PLXNA4: variants seen among roughly 807,000 people sequenced by gnomAD.
PLXNA4 encodes plexin A4, also known as plexin-A4.
Under a neutral mutation model 191.8 loss-of-function variants are expected in PLXNA4, and 44 were observed. The observed-to-expected ratio is 0.23, with a 90% CI of 0.18 to 0.29. The LOEUF (loss-of-function observed/expected upper bound fraction) is 0.29. Ranked by LOEUF, PLXNA4 falls within the 10% of genes least tolerant of loss-of-function variation. PLXNA4 has a pLI of 1.00. For missense variants in PLXNA4, 1,800 were observed against 2,488.8 expected (o/e 0.72, Z 5.89); for synonymous variants, 1,082 against 1,009.5 (o/e 1.07, Z -1.36).
chr7:132,339,317 C>T (rs745708804), intron 3 of PLXNA4, among the ~76,000 whole-genome samples: 14 of 152,136 alleles, frequency 9.2e-5, no homozygotes, highest in Non-Finnish European at 1.3e-4. Context: ...GCCTATACTG[C>T]CTCATCCCCC....
chr7:132,561,336 TTCC>T (rs778788902), intron 1 of PLXNA4, among the ~76,000 whole-genome samples: 32 of 89,796 alleles, frequency 3.6e-4, no homozygotes, highest in Admixed American at 6.3e-4. Context: ...CTTCCTCCTC[TTCC>T]TCCTCCTCCT....
chr7:132,219,905 GGGC>G (rs1798088813), intron 9 of PLXNA4, among the ~76,000 whole-genome samples: 1 of 152,116 alleles, frequency 6.6e-6, no homozygotes, highest in African/African-American at 2.4e-5. Flanking sequence ...TGTAGCCTAG[GGGC>G]AATAGGCTAT....
chr7:132,618,800 T>C (rs1200010893), intron 2 of PLXNA4, among the ~76,000 whole-genome samples: 2 of 152,170 alleles, frequency 1.3e-5, no homozygotes, highest in East Asian at 1.9e-4. Flanking sequence ...GAAGATTATA[T>C]CATATACATG....
At chr7:132,262,937 C>T (rs1584916959) in intron 4 of PLXNA4, among the ~76,000 whole-genome samples, 1 of 152,078 alleles carries the variant, frequency 6.6e-6, no homozygotes, top group African/African-American at 2.4e-5. Context: ...GAGCTGGGGG[C>T]GGGAAGCCAC....
chr7:132,563,359 TCTCCTC>T (rs1162094997), intron 1 of PLXNA4, among the ~76,000 whole-genome samples: 2 of 19,624 alleles, frequency 1.0e-4, no homozygotes, highest in Non-Finnish European at 1.9e-4. Context: ...TTCTCCTCCT[TCTCCTC>T]CTCCTCCTCC....
intron 3 of PLXNA4, among the ~76,000 whole-genome samples, chr7:132,452,738 T>A (rs1017193875): frequency 3.9e-5 from 6 of 152,072 alleles, no homozygotes; most frequent in African/African-American, 1.4e-4. Flanking sequence ...AGAGATGGGG[T>A]TGGACATGAG....
chr7:132,516,339 G>A (rs574717407), intron 1 of PLXNA4, among the ~76,000 whole-genome samples: 34 of 151,700 alleles, frequency 2.2e-4, no homozygotes, highest in African/African-American at 6.3e-4. Flanking sequence ...TACGTCTTTC[G>A]TATATGATTT....
intron 3 of PLXNA4, among the ~76,000 whole-genome samples, chr7:132,432,277 T>C (rs1331084285): frequency 2.0e-5 from 3 of 152,152 alleles, no homozygotes; most frequent in African/African-American, 7.2e-5. Context: ...GAATCCCGTT[T>C]ATGAGTGACC....
chr7:132,142,911 C>T lies in PLXNA4; in HGVS notation c.5226-2100G>A, dbSNP rs144207318. 5.5e-3 allele frequency among the ~76,000 whole-genome samples: 841 copies of T among 152,312 alleles called. 8 individuals are homozygous for T. The highest frequency in any genetic ancestry group is 0.019 in the African/African-American group (796 of 41,550). On this transcript the variant is annotated intron_variant, in intron 29 of 31. Coordinates refer to ENST00000321063, the MANE Select transcript of PLXNA4 (RefSeq NM_020911.2). ...CCGGTTGTTTCTTCCCTATGCTTCC[C>T]GGTCCTCAAGCCAGTTTTGCTGACA...
At chr7:132,238,258 T>C (rs1360423249) in intron 5 of PLXNA4, among the ~76,000 whole-genome samples, 2 of 152,190 alleles carry the variant, frequency 1.3e-5, no homozygotes, top group Non-Finnish European at 1.5e-5. Context: ...AGGTTATAGA[T>C]GGATTTGTTG....
chr7:132,344,815 A>C (rs540004979), intron 3 of PLXNA4, among the ~76,000 whole-genome samples: 1 of 152,200 alleles, frequency 6.6e-6, no homozygotes, highest in Non-Finnish European at 1.5e-5. Flanking sequence ...TCTCAGTGGA[A>C]CTAGGGAATA....
At chr7:132,335,721 T>C (rs146608454) in intron 3 of PLXNA4, among the ~76,000 whole-genome samples, 196 of 152,340 alleles carry the variant, frequency 1.3e-3, no homozygotes, top group Middle Eastern at 3.4e-3. Flanking sequence ...CTCCTAGAGC[T>C]CTTCGAAGAC....
chr7:132,442,081 T>C lies in PLXNA4; in HGVS notation c.1371+47211A>G, dbSNP rs114851958. ...GCTGGAGAACCACGTGCTCACCCTA[T>C]CTGGGAGGAGCCCCAAGCCCTTAAT... On this transcript the variant is annotated intron_variant, in intron 3 of 31. Coordinates refer to ENST00000321063, the MANE Select transcript of PLXNA4 (RefSeq NM_020911.2). 1.0e-2 allele frequency among the ~76,000 whole-genome samples: 1,517 copies of C among 152,322 alleles called. 25 individuals are homozygous for C. Among genetic ancestry groups the C allele is most frequent in the African/African-American group, 0.035 (1,442 of 41,570 alleles).
At chr7:132,532,286 C>T (rs1166375924) in intron 1 of PLXNA4, among the ~76,000 whole-genome samples, 1 of 152,228 alleles carries the variant, frequency 6.6e-6, no homozygotes, top group African/African-American at 2.4e-5. Flanking sequence ...GACTCTGTCA[C>T]AGTGGAATCT....
At chr7:132,449,841 G>A (rs532292095) in intron 3 of PLXNA4, among the ~76,000 whole-genome samples, 22 of 152,306 alleles carry the variant, frequency 1.4e-4, no homozygotes, top group South Asian at 6.2e-4. Context: ...ATGGGTGTTC[G>A]CCTTGGGGGA....
chr7:132,410,673 G>A (rs1438150708), intron 3 of PLXNA4, among the ~76,000 whole-genome samples: 1 of 152,186 alleles, frequency 6.6e-6, no homozygotes, highest in Non-Finnish European at 1.5e-5. Context: ...CTGTCTCCAA[G>A]CACTCTGGCC....
chr7:132,423,216 A>T (rs892788274), intron 3 of PLXNA4, among the ~76,000 whole-genome samples: 1 of 152,218 alleles, frequency 6.6e-6, no homozygotes, highest in Non-Finnish European at 1.5e-5. Flanking sequence ...GGTACTTTGC[A>T]TTGCTCATCT....
At position 132,162,755 on chromosome 7, in the gene PLXNA4, C is replaced by T. The variant is rs559187987; in HGVS notation, c.4500+1387G>A. Among the ~76,000 whole-genome samples the T allele has an allele frequency of 5.3e-5, 8 of 152,188 alleles. No homozygotes were observed. The East Asian group carries it at 7.8e-4, about 15-fold the overall frequency. On this transcript the variant is annotated intron_variant, in intron 24 of 31. Coordinates refer to ENST00000321063, the MANE Select transcript of PLXNA4 (RefSeq NM_020911.2). ...AGGCTGCTCCTTTGAATCTTCATAA[C>T]GGAGCCAATCCCCACAAATCTGTTC...
At chr7:132,601,250 C>T (rs1802814030) in intron 2 of PLXNA4, among the ~76,000 whole-genome samples, 1 of 149,624 alleles carries the variant, frequency 6.7e-6, no homozygotes, top group Non-Finnish European at 1.5e-5. Flanking sequence ...AAGAAACCTC[C>T]AGAGGTCATA....
Sources: allele counts gnomAD v4.1 joint callset (sites outside exome capture counted in the v4.1 genomes callset), GRCh38; gene constraint gnomAD v4.1.1; transcripts MANE v1.5; gene names NCBI Gene and HGNC (gene_info 2026-07-23, HGNC 2026-07-21).